TTI2: variants seen among roughly 807,000 people sequenced by gnomAD.
TTI2 encodes the protein TELO2-interacting protein 2.
A neutral mutation model predicts 44.9 loss-of-function variants in TTI2; 26 were observed. That is an observed-to-expected ratio of 0.58 (90% CI 0.42 to 0.80). The LOEUF (loss-of-function observed/expected upper bound fraction) is 0.80. Ranked by LOEUF, TTI2 falls within the 30% of genes least tolerant of loss-of-function variation. TTI2 has a pLI of 0.00. For missense variants in TTI2, 582 were observed against 611.6 expected, an observed-to-expected ratio of 0.95 and a Z score of 0.51; for synonymous variants, 254 against 250.9, an observed-to-expected ratio of 1.01 and a Z score of -0.12.
In TTI2 at chr8:33,512,395, T is replaced by A; in HGVS notation, c.219A>T (p.Ala73=). Residue 73 remains alanine (A), a synonymous_variant, in exon 2 of 8, where the codon GCA becomes GCT. Transcript: ENST00000431156. ...GTGTCTCCGGCATTCCGCGGAGCCG[T>A]GCACCAGTCCCCTCAAATAACCTAT... ...EFDRLFEGTG[A]RLRGMPETLG... is the part of the protein sequence containing the mutation. 1 of 1,614,078 alleles carries A rather than the reference T, an allele frequency of 6.2e-7. No homozygotes were observed. Among genetic ancestry groups the A allele is most frequent in the Non-Finnish European group, 8.5e-7 (1 of 1,179,932 alleles).
rs1024419792 is a variant in TTI2 at position 33,503,879 on chromosome 8, C to G, written c.984G>C (p.Trp328Cys). The change falls in exon 5 of 8, where the codon TGG becomes TGC. Residue 328 changes from tryptophan to cysteine, a missense_variant. Coordinates refer to ENST00000431156, the MANE Select transcript of TTI2 (RefSeq NM_001102401.4). The stretch of plus-strand genomic sequence containing the variant: ...TGGTGGGTCGAGCTCCATCTCCTTT[C>G]CAGTGCAGGGTTTTCTCCAGGATGG... ...LFPILEKTLH[W>C]KGDGARPTTH... is the part of the protein sequence containing the mutation. 1.9e-6 allele frequency: 3 copies of G among 1,614,102 alleles called. No individual in the cohort carries two copies. Among genetic ancestry groups the G allele is most frequent in the Non-Finnish European group, 2.5e-6 (3 of 1,180,026 alleles).
intron 6 of TTI2, chr8:33,501,409 C>T (rs1809075077): frequency 6.6e-6 from 1 of 152,194 alleles, no homozygotes; most frequent in Non-Finnish European, 1.5e-5. Context: ...CGCATACACA[C>T]ATATTCCTTT....
intron 4 of TTI2, among the ~76,000 whole-genome samples, chr8:33,504,289 A>ATTCTTTTT (rs1809217517): frequency 1.4e-5 from 1 of 72,978 alleles, no homozygotes; most frequent in Non-Finnish European, 2.4e-5. Context: ...ATATTTACAC[A>ATTCTTTTT]TTTTTTTTTT....
intron 6 of TTI2, among the ~76,000 whole-genome samples, chr8:33,501,472 C>G (rs542210318): frequency 5.3e-5 from 8 of 152,306 alleles, no homozygotes; most frequent in African/African-American, 1.9e-4. Flanking sequence ...GGTCTCTGCT[C>G]TTTAAAGACC....
intron 4 of TTI2, among the ~76,000 whole-genome samples, chr8:33,506,693 T>C (rs1809309404): frequency 7.0e-6 from 1 of 142,124 alleles, no homozygotes; most frequent in Non-Finnish European, 1.5e-5. Context: ...TGCCAGGCTT[T>C]TTTTTTTTTT....
rs746661013 is a variant in TTI2 at position 33,500,472 on chromosome 8, C to A, written c.1278G>T (p.Val426=). ...HTWPRVSCRL[V]VLLKALLKLI... is the part of the protein sequence containing the mutation. Reference sequence around the variant, plus strand: ...GTTTCAAGAGGGCCTTCAGTAAGACCACAAGTCTGCAGGAAACTCTGGAAT... The same window carrying A: ...GTTTCAAGAGGGCCTTCAGTAAGACAACAAGTCTGCAGGAAACTCTGGAAT... The change falls in exon 7 of 8, where the codon GTG becomes GTT. Residue 426 remains valine (V), a synonymous_variant. Coordinates refer to ENST00000431156, the MANE Select transcript of TTI2 (RefSeq NM_001102401.4). The A allele has an allele frequency of 6.2e-7, 1 of 1,614,028 alleles. No homozygotes were observed. Among genetic ancestry groups the A allele is most frequent in the Admixed American group, 1.7e-5 (1 of 60,008 alleles).
rs58891946 is a variant in TTI2, at chr8:33,508,087, T to TAAAAAAA, written c.835-773_835-767dup. 1.7e-3 allele frequency among the ~76,000 whole-genome samples: 34 copies of TAAAAAAA among 19,508 alleles called. 2 individuals are homozygous for TAAAAAAA. Among genetic ancestry groups the TAAAAAAA allele is most frequent in the South Asian group, 3.2e-3 (1 of 316 alleles). The allele number at this position is 19,508 out of a possible 152,430, so 12.8% of individuals were successfully genotyped here. A position where few individuals can be genotyped will look rare whatever the true frequency, so the allele number is the denominator to read the frequency against. The stretch of plus-strand genomic sequence containing the variant: ...ACAAAGAAAATGTGGCTAGCGGTAG[T>TAAAAAAA]AAAAAAAAAAAAAAAAAAAAAAAAA... On this transcript the variant is annotated intron_variant, in intron 3 of 7. Transcript: ENST00000431156.
chr8:33,500,476 A>C lies in TTI2; in HGVS notation c.1274T>G (p.Leu425Arg), dbSNP rs3736497. ...QHTWPRVSCR[L>R]VVLLKALLKL... ...CAAGAGGGCCTTCAGTAAGACCACAAGTCTGCAGGAAACTCTGGAATCAGG... is the reference window on the plus strand; with the variant it reads ...CAAGAGGGCCTTCAGTAAGACCACACGTCTGCAGGAAACTCTGGAATCAGG... The change falls in exon 7 of 8, where the codon CTT becomes CGT. Residue 425 changes from leucine to arginine, a missense_variant. Transcript: ENST00000431156. 3.4e-4 allele frequency: 544 copies of C among 1,614,162 alleles called. 2 individuals carry two copies. In the East Asian group the frequency reaches 0.011, roughly 32 times the overall value.
intron 2 of TTI2, among the ~76,000 whole-genome samples, chr8:33,510,197 A>G (rs1422131640): frequency 3.3e-5 from 5 of 152,138 alleles, no homozygotes; most frequent in African/African-American, 9.7e-5. Flanking sequence ...AGAGCTACAT[A>G]AAGGACTTAT....
intron 1 of TTI2, 126 bp from the exon 2 acceptor site, chr8:33,512,838 G>GCACT (rs1275887075): frequency 2.5e-6 from 1 of 404,506 alleles, no homozygotes; most frequent in Non-Finnish European, 4.5e-6. Context: ...TCGCGCCACT[G>GCACT]CACTCCAGCC....
chr8:33,500,498 C>A lies in TTI2; in HGVS notation c.1260-8G>T. 1 of 1,613,838 alleles carries A rather than the reference C, an allele frequency of 6.2e-7. No individual in the cohort carries two copies. The highest frequency in any genetic ancestry group is 8.5e-7 in the Non-Finnish European group (1 of 1,179,942). On this transcript the variant is annotated splice_polypyrimidine_tract_variant and splice_region_variant and intron_variant, in intron 6 of 7. Coordinates refer to ENST00000431156, the MANE Select transcript of TTI2 (RefSeq NM_001102401.4). ...ACAAGTCTGCAGGAAACTCTGGAAT[C>A]AGGAAGAAAAGCTATGTTCATACTC...
At chr8:33,502,914 G>C (rs1809145668) in intron 6 of TTI2, among the ~76,000 whole-genome samples, 1 of 151,926 alleles carries the variant, frequency 6.6e-6, no homozygotes, top group African/African-American at 2.4e-5. Flanking sequence ...TGGATTACAA[G>C]GTCAGGAGTT....
In TTI2 at chr8:33,503,476, C is replaced by T; in HGVS notation, c.1212G>A (p.Leu404=). ...VYDGPEEEAR[L]KILETLKLLM... ...GAAGTTTTAGGGTTTCCAATATCTT[C>T]AGTCTAGCTTCCTCCTCAGGTCCAT... Residue 404 remains leucine, a synonymous_variant, in exon 6 of 8, where the codon CTG becomes CTA. Transcript: ENST00000431156. 1 of 1,614,184 alleles carries T rather than the reference C, an allele frequency of 6.2e-7. No homozygotes were observed. Among genetic ancestry groups the T allele is most frequent in the South Asian group, 1.1e-5 (1 of 91,080 alleles).
chr8:33,513,052 C>A, intron 1 of TTI2, 30 bp downstream of exon 1: 1 of 159,472 alleles, frequency 6.3e-6, no homozygotes, highest in Admixed American at 6.0e-5. Context: ...ACTTCTGAGC[C>A]ATGTCACCAA....
At position 33,512,510 on chromosome 8, in the gene TTI2, TGTAA is replaced by T; in HGVS notation, c.100_103del (p.Leu34ThrfsTer13). ...TCGTGCCTCCGGGCGGGCAAGACAG[TGTAA>T]AATCTTGGAGAAGGCCTGTCCAAAG... On this transcript the variant is annotated frameshift_variant, in exon 2 of 8. Transcript: ENST00000431156. LOFTEE classifies it high-confidence loss of function. 6.2e-7 allele frequency: 1 copy of T among 1,614,026 alleles called. No individual in the cohort carries two copies. The highest frequency in any genetic ancestry group is 8.5e-7 in the Non-Finnish European group (1 of 1,180,010).
At chr8:33,505,576 G>C (rs1431702409) in intron 4 of TTI2, among the ~76,000 whole-genome samples, 2 of 151,274 alleles carry the variant, frequency 1.3e-5, no homozygotes, top group African/African-American at 4.9e-5. Flanking sequence ...TGCAACCTCT[G>C]CCTCCTGGGT....
chr8:33,503,864 A>G lies in TTI2; in HGVS notation c.999T>C (p.Ala333=). The change falls in exon 5 of 8, where the codon GCT becomes GCC. Residue 333 remains alanine (A), a synonymous_variant. Coordinates refer to ENST00000431156, the MANE Select transcript of TTI2 (RefSeq NM_001102401.4). The stretch of plus-strand genomic sequence containing the variant: ...CCTCATCACAATGGGTGGTGGGTCG[A>G]GCTCCATCTCCTTTCCAGTGCAGGG... ...EKTLHWKGDG[A]RPTTHCDEVL... is the part of the protein sequence containing the mutation. The G allele has an allele frequency of 2.5e-6, 4 of 1,614,186 alleles. No individual in the cohort carries two copies. Among genetic ancestry groups the G allele is most frequent in the Non-Finnish European group, 3.4e-6 (4 of 1,180,034 alleles).
At chr8:33,509,591 T>TAGGATAC (rs1265466844) in intron 3 of TTI2, among the ~76,000 whole-genome samples, 155 bp downstream of exon 3, 1 of 151,992 alleles carries the variant, frequency 6.6e-6, no homozygotes, top group Non-Finnish European at 1.5e-5. Context: ...ACATTACCTA[T>TAGGATAC]AGGATACAAC....
Position 33,509,830 on chromosome 8 carries a change from G to A in TTI2, c.750C>T (p.Pro250=), listed in dbSNP as rs138257989. ...AGTCATCTGAAATGACCAATGATGCGGGAAGTACCCTTTCCAGATGCTGGC... is the reference window on the plus strand; with the variant it reads ...AGTCATCTGAAATGACCAATGATGCAGGAAGTACCCTTTCCAGATGCTGGC... ...WLSQHLERVL[P]ASLVISDDYQ... The change falls in exon 3 of 8, where the codon CCC becomes CCT. Residue 250 remains proline (P), a synonymous_variant. Coordinates refer to ENST00000431156, the MANE Select transcript of TTI2 (RefSeq NM_001102401.4). 9.6e-5 allele frequency: 155 copies of A among 1,613,958 alleles called. No individual in the cohort carries two copies. The highest frequency in any genetic ancestry group is 8.4e-4 in the African/African-American group (63 of 74,968).
Sources: allele counts gnomAD v4.1 joint callset (sites outside exome capture counted in the v4.1 genomes callset), GRCh38; gene constraint gnomAD v4.1.1; transcripts MANE v1.5; gene names NCBI Gene and HGNC (gene_info 2026-07-23, HGNC 2026-07-21).